Variants in GALNT13 observed in about 807,000 individuals in gnomAD.
GALNT13 encodes the protein UDP-GalNAc:polypeptide N-acetylgalactosaminyltransferase 13.
Under a neutral mutation model 64.2 loss-of-function variants are expected in GALNT13, and 28 were observed. The ratio of observed to expected loss-of-function variants is 0.44; its 90% CI spans 0.32 to 0.60. GALNT13 has a LOEUF of 0.60. Ranked by LOEUF, GALNT13 falls within the 20% of genes least tolerant of loss-of-function variation. The pLI is 0.05. For missense variants in GALNT13, 577 were observed against 669.8 expected (o/e 0.86, Z 1.53); for synonymous variants, 214 against 224.6 (o/e 0.95, Z 0.42).
chr2:154,125,626 C>T (rs932178578), intron 3 of GALNT13, among the ~76,000 whole-genome samples: 2 of 152,096 alleles, frequency 1.3e-5, no homozygotes, highest in Non-Finnish European at 2.9e-5. Context: ...GACAATAAGT[C>T]ATTCTCATTA....
chr2:153,607,857 A>ATGCC, the GALNT13 span, among the ~76,000 whole-genome samples: 2 of 152,274 alleles, frequency 1.3e-5, no homozygotes, highest in South Asian at 4.1e-4. Flanking sequence ...GAATAATTTA[A>ATGCC]TGCCATTATT....
At chr2:154,015,189 C>A (rs1465200163) in intron 3 of GALNT13, among the ~76,000 whole-genome samples, 1 of 152,006 alleles carries the variant, frequency 6.6e-6, no homozygotes, top group Non-Finnish European at 1.5e-5. Flanking sequence ...GAAGTGCTTC[C>A]ATTCTTATTC....
chr2:153,617,763 T>C, the GALNT13 span, among the ~76,000 whole-genome samples: 3,274 of 152,030 alleles, frequency 0.022, 120 homozygotes, highest in African/African-American at 0.076. Context: ...GTTTTGGATT[T>C]CTTCATAGTT....
chr2:154,363,671 A>G (rs1697204619), intron 9 of GALNT13, among the ~76,000 whole-genome samples: 1 of 152,220 alleles, frequency 6.6e-6, no homozygotes, highest in East Asian at 1.9e-4. Context: ...GGGAGTTTTT[A>G]TGTGAAGCTC....
rs1347899475 is a variant in GALNT13, at chr2:154,157,903, C to G, written c.311+17398C>G. 2.6e-5 allele frequency among the ~76,000 whole-genome samples: 4 copies of G among 152,298 alleles called. No individual in the cohort carries two copies. The South Asian group carries it at 8.3e-4, about 32-fold the overall frequency. On this transcript the variant is annotated intron_variant, in intron 4 of 12. Transcript: ENST00000392825. ...TTCACTTGGCTTTTAAGTCACTACA[C>G]TGGAATATAATTTTCTCCTACTTTT...
chr2:154,242,757 A>G lies in GALNT13; in HGVS notation c.538A>G (p.Ile180Val), dbSNP rs149581963. ...AAATTTAGAAGTGCCAGTAAAAATT[A>G]TTAGGATGGAAGAACGCTCTGGGTT... ...VKNLEVPVKI[I>V]RMEERSGLIR... The change falls in exon 6 of 13, where the codon ATT (isoleucine) becomes GTT (valine). Residue 180 changes from isoleucine to valine, a missense_variant. Physicochemically the swap from Ile to Val is conservative, Grantham distance 29. This residue lies in a region of GALNT13 where 341 missense variants were observed against 379.3 expected (regional missense o/e 0.90). Transcript: ENST00000392825. The G allele has an allele frequency of 2.4e-4, 381 of 1,613,886 alleles. No individual in the cohort carries two copies. The highest frequency in any genetic ancestry group is 1.6e-4 in the Middle Eastern group (1 of 6,084).
the GALNT13 span, among the ~76,000 whole-genome samples, chr2:153,679,434 G>A: frequency 6.6e-6 from 1 of 151,894 alleles, no homozygotes. Context: ...CATGGCAAAT[G>A]TCTTTGCCTG....
chr2:154,424,120 A>C (rs537530974), intron 11 of GALNT13, among the ~76,000 whole-genome samples: 1 of 152,182 alleles, frequency 6.6e-6, no homozygotes, highest in Admixed American at 6.5e-5. Context: ...CTAAAAATAT[A>C]TTGTTGGATG....
At chr2:154,305,761 A>G (rs1388936792) in intron 9 of GALNT13, among the ~76,000 whole-genome samples, 3 of 152,194 alleles carry the variant, frequency 2.0e-5, no homozygotes, top group Non-Finnish European at 4.4e-5. Flanking sequence ...CTGTCTGGGC[A>G]TTCTTTCTCT....
chr2:153,777,472 G>A, the GALNT13 span, among the ~76,000 whole-genome samples: 2 of 152,292 alleles, frequency 1.3e-5, no homozygotes, highest in African/African-American at 4.8e-5. Context: ...GCTGTTGGTT[G>A]GTGATCAGGT....
the GALNT13 span, among the ~76,000 whole-genome samples, chr2:153,404,810 G>A: frequency 9.9e-5 from 15 of 152,000 alleles, no homozygotes; most frequent in African/African-American, 3.4e-4. Flanking sequence ...TAAATGCTAG[G>A]GTATTCAACA....
chr2:153,857,608 T>C, the GALNT13 span, among the ~76,000 whole-genome samples: 1 of 152,320 alleles, frequency 6.6e-6, no homozygotes, highest in East Asian at 1.9e-4. Context: ...TCAGACGAGT[T>C]ATAGAAAAAT....
chr2:154,310,196 C>T (rs1425604965), intron 9 of GALNT13, among the ~76,000 whole-genome samples: 1 of 152,136 alleles, frequency 6.6e-6, no homozygotes, highest in Non-Finnish European at 1.5e-5. Flanking sequence ...CCTAATGTAG[C>T]ATTTATGCAT....
At chr2:153,678,802 A>C in the GALNT13 span, among the ~76,000 whole-genome samples, 1 of 152,028 alleles carries the variant, frequency 6.6e-6, no homozygotes, top group Non-Finnish European at 1.5e-5. Context: ...AATATGATTC[A>C]AGTAAGTTGT....
chr2:153,436,375 A>G, the GALNT13 span, among the ~76,000 whole-genome samples: 239 of 152,128 alleles, frequency 1.6e-3, no homozygotes, highest in African/African-American at 5.5e-3. Flanking sequence ...CTCTTTTTCT[A>G]TTGATTGGAA....
chr2:153,887,371 G>A lies in GALNT13; in HGVS notation c.-176-13565G>A, dbSNP rs978069406. On this transcript the variant is annotated intron_variant, in intron 1 of 12. Coordinates refer to ENST00000392825, the MANE Select transcript of GALNT13 (RefSeq NM_052917.4). ...AATTTGGCCTGCTTAACCGATTTTC[G>A]AAATAAAATCTAAGACCTGGAAGAG... Among the ~76,000 whole-genome samples the A allele has an allele frequency of 8.0e-5, 12 of 150,012 alleles. No individual in the cohort carries two copies. The South Asian group carries it at 1.1e-3, about 13-fold the overall frequency.
chr2:154,065,944 TA>T (rs1173309841), intron 3 of GALNT13, among the ~76,000 whole-genome samples: 1 of 151,582 alleles, frequency 6.6e-6, no homozygotes, highest in African/African-American at 2.4e-5. Flanking sequence ...ACAGAGAATT[TA>T]AAAGAGCTTT....
In GALNT13 at chr2:153,975,872, A is replaced by C. The variant is rs117322559; in HGVS notation, c.142+31233A>C. Among the ~76,000 whole-genome samples, 293 of 152,240 alleles carry C rather than the reference A, an allele frequency of 1.9e-3. 8 individuals are homozygous for C. In the East Asian group the frequency reaches 0.046, roughly 24 times the overall value. On this transcript the variant is annotated intron_variant, in intron 3 of 12. Coordinates refer to ENST00000392825, the MANE Select transcript of GALNT13 (RefSeq NM_052917.4). Reference sequence around the variant, plus strand: ...GTAACTGTAAAGTGATGGATATGTTAATTAGTTTAATTGTCATAATGATTT... The same window carrying C: ...GTAACTGTAAAGTGATGGATATGTTCATTAGTTTAATTGTCATAATGATTT...
chr2:154,219,233 C>A (rs1688201063), intron 4 of GALNT13, among the ~76,000 whole-genome samples: 2 of 152,024 alleles, frequency 1.3e-5, no homozygotes, highest in South Asian at 4.2e-4. Flanking sequence ...AAGTGCTTTA[C>A]ATGTATTCAT....
Sources: gnomAD v4.1 joint callset for allele counts (sites outside exome capture counted in the v4.1 genomes callset) on GRCh38, gnomAD v4.1.1 for gene constraint, gnomAD v4.1.1 regional missense constraint, MANE v1.5 for transcripts, NCBI Gene and HGNC (gene_info 2026-07-23, HGNC 2026-07-21) for gene names.